The following COL22A1 variants were observed in gnomAD, a reference collection of about 807,000 sequenced individuals.
COL22A1 encodes collagen type XXII alpha 1 chain.
COL22A1 carries 221 observed loss-of-function variants against 248.9 expected under a neutral mutation model. The ratio of observed to expected loss-of-function variants is 0.89; its 90% CI spans 0.80 to 0.99. The LOEUF is 0.99. Ranked by LOEUF, COL22A1 falls within the 50% of genes least tolerant of loss-of-function variation. The pLI is 0.00. For missense variants in COL22A1, 2,240 were observed against 2,179.0 expected (o/e 1.03, Z -0.56); for synonymous variants, 891 against 793.4 (o/e 1.12, Z -2.07).
At chr8:138,744,982 G>A (rs970535091) in intron 22 of COL22A1, among the ~76,000 whole-genome samples, 13 of 152,234 alleles carry the variant, frequency 8.5e-5, no homozygotes, top group Admixed American at 4.6e-4. Flanking sequence ...CTGAGAAAAT[G>A]ATCAGATGAA....
intron 47 of COL22A1, among the ~76,000 whole-genome samples, chr8:138,644,487 AC>A (rs1204235778): frequency 3.3e-5 from 5 of 150,644 alleles, no homozygotes; most frequent in Non-Finnish European, 5.9e-5. Context: ...AACTGTACAG[AC>A]CCCCTCTTGG....
intron 34 of COL22A1, 129 bp from the exon 35 acceptor site, chr8:138,693,828 C>T (rs1827276709): frequency 2.2e-6 from 2 of 917,040 alleles, no homozygotes; most frequent in Non-Finnish European, 3.4e-6. Context: ...GGCCCGGGAG[C>T]ACCGTCTAAA....
intron 11 of COL22A1, among the ~76,000 whole-genome samples, chr8:138,797,891 A>AT (rs373535682): frequency 6.6e-6 from 1 of 151,946 alleles, no homozygotes; most frequent in Non-Finnish European, 1.5e-5. Context: ...TTAAGAAATA[A>AT]TTTTTTATTA....
intron 11 of COL22A1, among the ~76,000 whole-genome samples, chr8:138,798,747 A>AT (rs1335287522): frequency 1.3e-5 from 2 of 151,964 alleles, no homozygotes; most frequent in Non-Finnish European, 2.9e-5. Flanking sequence ...ATAATGAGTC[A>AT]TTTTTTTCTC....
chr8:138,729,279 G>A (rs545029872), intron 23 of COL22A1, among the ~76,000 whole-genome samples: 2 of 152,298 alleles, frequency 1.3e-5, no homozygotes, highest in Admixed American at 6.5e-5. Context: ...GTCTCACCCT[G>A]CTGTTACAGC....
chr8:138,688,854 C>T lies in COL22A1; in HGVS notation c.2862+63G>A, dbSNP rs570707629. 1.3e-5 allele frequency: 19 copies of T among 1,416,684 alleles called. No individual in the cohort carries two copies. The East Asian group carries it at 3.9e-4, about 29-fold the overall frequency. 87.8% of individuals were successfully genotyped at this position (1,416,684 alleles called of 1,614,324 possible). A position where few individuals can be genotyped will look rare whatever the true frequency, so the allele number is the denominator to read the frequency against. ...CAGGCCCGAGCAGAGTGAGCTGCTC[C>T]TTCAGTGCCTGTAAGAAGTTAAGGA... On this transcript the variant is annotated intron_variant, in intron 37 of 64. Transcript: ENST00000303045.
Position 138,813,029 on chromosome 8 carries a change from A to G in COL22A1, c.1246-10T>C. On this transcript the variant is annotated splice_polypyrimidine_tract_variant and intron_variant, in intron 7 of 64. Coordinates refer to ENST00000303045, the MANE Select transcript of COL22A1 (RefSeq NM_152888.3). ...TCCGCTGTAGGTCAAACTGGAAAGG[A>G]AAGCAAGGAGAGAGGATAAGTTTTA... is the stretch of plus-strand genomic sequence containing the variant. The G allele has an allele frequency of 6.2e-7, 1 of 1,611,570 alleles. No individual in the cohort carries two copies.
chr8:138,795,628 C>T (rs1490460952), intron 12 of COL22A1, among the ~76,000 whole-genome samples: 1 of 151,888 alleles, frequency 6.6e-6, no homozygotes, highest in African/African-American at 2.4e-5. Context: ...ACTGCATTTT[C>T]TAGGTCATTA....
At chr8:138,806,858 A>G (rs1018632545) in intron 10 of COL22A1, among the ~76,000 whole-genome samples, 5 of 152,186 alleles carry the variant, frequency 3.3e-5, no homozygotes, top group Admixed American at 2.6e-4. Context: ...ATGGGAAAGA[A>G]GTGGGCAAAA....
rs1357910156 is a variant in COL22A1 at position 138,883,243 on chromosome 8, G to T, written c.-71C>A. ...CGCTGTTAGGGTCTACAGCAGCATGGCCTGTGTGGAGAAAGACACCCTTAG... is the reference window on the plus strand; with the variant it reads ...CGCTGTTAGGGTCTACAGCAGCATGTCCTGTGTGGAGAAAGACACCCTTAG... On this transcript the variant is annotated splice_region_variant and 5_prime_UTR_variant, in exon 2 of 65. Coordinates refer to ENST00000303045, the MANE Select transcript of COL22A1 (RefSeq NM_152888.3). 32 of 1,434,116 alleles carry T rather than the reference G, an allele frequency of 2.2e-5. No homozygotes were observed. The highest frequency in any genetic ancestry group is 2.7e-5 in the Non-Finnish European group (28 of 1,049,778). The allele number at this position is 1,434,116 out of a possible 1,614,324, so 88.8% of individuals were successfully genotyped here.
At chr8:138,638,451 G>A (rs1564128404) in intron 47 of COL22A1, among the ~76,000 whole-genome samples, 1 of 151,990 alleles carries the variant, frequency 6.6e-6, no homozygotes, top group Non-Finnish European at 1.5e-5. Context: ...GGGGTCCAGT[G>A]CCCCACAGTT....
intron 30 of COL22A1, among the ~76,000 whole-genome samples, chr8:138,714,972 T>C (rs1322937872): frequency 1.3e-5 from 2 of 152,078 alleles, no homozygotes; most frequent in Non-Finnish European, 2.9e-5. Flanking sequence ...GGGCTAATCA[T>C]GTCTATTATA....
rs755559463 is a variant in COL22A1 at position 138,877,908 on chromosome 8, C to T, written c.500G>A (p.Arg167His). ...LVLDAAAAAH[R>H]AGIRIFAVGV... ...CACGGCAAAGATGCGGATGCCAGCGCGGTGGGCTGCCGCCGCGGCGTCCAG... is the reference window on the plus strand; with the variant it reads ...CACGGCAAAGATGCGGATGCCAGCGTGGTGGGCTGCCGCCGCGGCGTCCAG... Residue 167 changes from arginine (R) to histidine (H), a missense_variant, in exon 3 of 65, where the codon CGC (arginine) becomes CAC (histidine). By Grantham distance (29) the Arg-to-His change is conservative (BLOSUM62 0). Transcript: ENST00000303045. 54 of 1,609,848 alleles carry T rather than the reference C, an allele frequency of 3.4e-5. No individual in the cohort carries two copies. Among genetic ancestry groups the T allele is most frequent in the Middle Eastern group, 1.7e-4 (1 of 6,046 alleles).
At chr8:138,796,919 A>G in intron 11 of COL22A1, 62 bp from the exon 12 acceptor site, 1 of 1,044,824 alleles carries the variant, frequency 9.6e-7, no homozygotes, top group Non-Finnish European at 1.5e-6. Flanking sequence ...GACATTGCAA[A>G]TGGCAACATC....
intron 3 of COL22A1, among the ~76,000 whole-genome samples, chr8:138,871,167 GCCTCCCTGCCGTCC>G (rs539655847): frequency 6.6e-6 from 1 of 152,254 alleles, no homozygotes; most frequent in South Asian, 2.1e-4. Flanking sequence ...CCAACAGCCA[GCCTCCCTGCCGTCC>G]CCTGGGACAT....
In COL22A1 at chr8:138,760,882, G is replaced by A. The variant is rs76511610; in HGVS notation, c.1858-595C>T. On this transcript the variant is annotated intron_variant, in intron 17 of 64. Transcript: ENST00000303045. The stretch of plus-strand genomic sequence containing the variant: ...GCTTCCCCAGCTCCTGCAGGAGCAG[G>A]GCGTGGGAGCAGCCCAGGAGCCACA... Among the ~76,000 whole-genome samples the A allele has an allele frequency of 7.7e-3, 1,169 of 152,218 alleles. 23 individuals are homozygous for A. Among genetic ancestry groups the A allele is most frequent in the African/African-American group, 0.026 (1,075 of 41,536 alleles).
chr8:138,864,651 G>C (rs1822726240), intron 3 of COL22A1, among the ~76,000 whole-genome samples: 2 of 152,160 alleles, frequency 1.3e-5, no homozygotes, highest in South Asian at 4.1e-4. Context: ...TTGTTGTCTT[G>C]CCCTAGGCTG....
intron 3 of COL22A1, among the ~76,000 whole-genome samples, chr8:138,870,391 G>A (rs763681052): frequency 6.6e-6 from 1 of 151,612 alleles, no homozygotes; most frequent in Admixed American, 6.6e-5. Flanking sequence ...CAGTGTGTGG[G>A]GTATGCATGG....
At position 138,815,083 on chromosome 8, in the gene COL22A1, T is replaced by C. The variant is rs573122415; in HGVS notation, c.1246-2064A>G. On this transcript the variant is annotated intron_variant, in intron 7 of 64. Coordinates refer to ENST00000303045, the MANE Select transcript of COL22A1 (RefSeq NM_152888.3). ...CCTTGCACACGCTTTCTCTTGCCTGTTGCCATGTAAGATGTGACTTTGCTC... is the reference window on the plus strand; with the variant it reads ...CCTTGCACACGCTTTCTCTTGCCTGCTGCCATGTAAGATGTGACTTTGCTC... 6.4e-4 allele frequency among the ~76,000 whole-genome samples: 97 copies of C among 152,304 alleles called. 2 individuals are homozygous for C. In the South Asian group the frequency reaches 0.01, roughly 16 times the overall value.
Sources: allele counts gnomAD v4.1 joint callset (sites outside exome capture counted in the v4.1 genomes callset), GRCh38; gene constraint gnomAD v4.1.1; transcripts MANE v1.5; gene names NCBI Gene and HGNC (gene_info 2026-07-23, HGNC 2026-07-21).